Variants in PHLPP2 observed in about 807,000 individuals in gnomAD.
PHLPP2 encodes the protein PH domain and leucine rich repeat protein phosphatase 2, also known as PH domain leucine-rich repeat-containing protein phosphatase 2.
A neutral mutation model predicts 124.9 loss-of-function variants in PHLPP2; 66 were observed. That is an observed-to-expected ratio of 0.53 (90% CI 0.43 to 0.65). PHLPP2 has a LOEUF of 0.65. Among genes scored for constraint, PHLPP2 ranks in the 30% least tolerant of loss-of-function variants. The pLI, the probability that PHLPP2 is intolerant of heterozygous loss-of-function variation, is 0.00. For missense variants in PHLPP2, 1,685 were observed against 1,600.4 expected, an observed-to-expected ratio of 1.05 and a Z score of -0.90; for synonymous variants, 681 against 624.7, an observed-to-expected ratio of 1.09 and a Z score of -1.34.
intron 10 of PHLPP2, among the ~76,000 whole-genome samples, chr16:71,671,977 G>C (rs193045674): frequency 2.0e-5 from 3 of 152,042 alleles, no homozygotes; most frequent in African/African-American, 7.2e-5. Flanking sequence ...CTGACAAAAC[G>C]GGAATCAGTG....
intron 2 of PHLPP2, among the ~76,000 whole-genome samples, chr16:71,712,513 TTAAA>T (rs1485272023): frequency 2.0e-5 from 3 of 152,208 alleles, no homozygotes; most frequent in African/African-American, 7.2e-5. Context: ...CACCATATAC[TTAAA>T]TAAGTTAATC....
chr16:71,679,471 A>T lies in PHLPP2; in HGVS notation c.955T>A (p.Cys319Ser). The T allele has an allele frequency of 3.7e-6, 6 of 1,613,628 alleles. No homozygotes were observed. The highest frequency in any genetic ancestry group is 1.1e-5 in the South Asian group (1 of 91,066). Reference sequence around the variant, plus strand: ...AGCTCAGTCAGGGTAGAGATCTCGCATAACAATATAGGAAACAACCCAAGT... The same window carrying T: ...AGCTCAGTCAGGGTAGAGATCTCGCTTAACAATATAGGAAACAACCCAAGT... ...NKLGLFPILL[C>S]EISTLTELNL... Residue 319 changes from cysteine to serine, a missense_variant, in exon 7 of 19, where the codon TGC (cysteine) becomes AGC (serine). By Grantham distance (112) the Cys-to-Ser change is moderately radical. Transcript: ENST00000568954.
rs2044732631 is a variant in PHLPP2, at chr16:71,655,294, T to C, written c.2531A>G (p.Gln844Arg). The change falls in exon 17 of 19, where the codon CAG (glutamine) becomes CGG (arginine). Residue 844 changes from glutamine (Q) to arginine (R), a missense_variant. Coordinates refer to ENST00000568954, the MANE Select transcript of PHLPP2 (RefSeq NM_015020.3). Reference sequence around the variant, plus strand: ...GAAAACTGTGTCATTAGTTGACTGCTGTACCTCTTCTAAAAGCACATCTGC... The same window carrying C: ...GAAAACTGTGTCATTAGTTGACTGCCGTACCTCTTCTAAAAGCACATCTGC... ...TMADVLLEEV[Q>R]QSTNDTVFMA... 1 of 1,614,074 alleles carries C rather than the reference T, an allele frequency of 6.2e-7. No individual in the cohort carries two copies. Among genetic ancestry groups the C allele is most frequent in the Non-Finnish European group, 8.5e-7 (1 of 1,179,886 alleles).
chr16:71,688,254 T>C (rs557024808), intron 4 of PHLPP2, among the ~76,000 whole-genome samples: 3 of 152,258 alleles, frequency 2.0e-5, no homozygotes, highest in Non-Finnish European at 4.4e-5. Context: ...CTAGAAGATT[T>C]AGTTTTTGAT....
intron 15 of PHLPP2, among the ~76,000 whole-genome samples, chr16:71,657,434 G>A (rs150483648): frequency 0.013 from 1,989 of 148,310 alleles, 63 homozygotes; most frequent in East Asian, 0.12. Context: ...TCGCTGTGTC[G>A]CCCAGGCTGG....
In PHLPP2 at chr16:71,649,582, C is replaced by CCA. The variant is rs1567610506; in HGVS notation, c.3278_3279dup (p.Gly1094TrpfsTer67). The CCA allele has an allele frequency of 6.2e-7, 1 of 1,613,842 alleles. No homozygotes were observed. Among genetic ancestry groups the CCA allele is most frequent in the East Asian group, 2.2e-5 (1 of 44,872 alleles). The stretch of plus-strand genomic sequence containing the variant: ...TTATGCTCATCAGAAGCAGTGGACC[C>CCA]CACTTCACTGCTCACCTCTGAGGTG... On this transcript the variant is annotated frameshift_variant, in exon 19 of 19. Coordinates refer to ENST00000568954, the MANE Select transcript of PHLPP2 (RefSeq NM_015020.3). LOFTEE classifies it high-confidence loss of function.
intron 4 of PHLPP2, among the ~76,000 whole-genome samples, chr16:71,688,608 GTT>G (rs371183298): frequency 1.6e-5 from 2 of 125,692 alleles, no homozygotes; most frequent in Admixed American, 8.8e-5. Context: ...TTCTCTGTGG[GTT>G]TTTTTTTTTT....
chr16:71,689,641 G>A (rs568745211), intron 4 of PHLPP2, among the ~76,000 whole-genome samples: 9 of 151,398 alleles, frequency 5.9e-5, no homozygotes, highest in South Asian at 4.2e-4. Flanking sequence ...CAAGTGATCC[G>A]CCCACCTAGG....
chr16:71,677,388 C>G (rs187937047), intron 8 of PHLPP2: 157 of 150,586 alleles, frequency 1.0e-3, no homozygotes, highest in African/African-American at 3.6e-3. Context: ...GTTGCTATGC[C>G]TGCTCTATCT....
At position 71,690,500 on chromosome 16, in the gene PHLPP2, T is replaced by A. The variant is rs1158049429; in HGVS notation, c.609+19A>T. On this transcript the variant is annotated intron_variant, in intron 4 of 18. Coordinates refer to ENST00000568954, the MANE Select transcript of PHLPP2 (RefSeq NM_015020.3). ...TTAAGATGATCAAATGAAAAATAAT[T>A]CATCTTTGTGAGTCTTACCTTTCCA... The A allele has an allele frequency of 6.6e-7, 1 of 1,505,122 alleles. No individual in the cohort carries two copies. The highest frequency in any genetic ancestry group is 1.2e-5 in the South Asian group (1 of 84,484). The allele number at this position is 1,505,122 out of a possible 1,614,324, so 93.2% of individuals were successfully genotyped here.
intron 12 of PHLPP2, 55 bp from the exon 13 acceptor site, chr16:71,664,154 A>G: frequency 8.3e-7 from 1 of 1,201,832 alleles, no homozygotes; most frequent in Non-Finnish European, 1.2e-6. Context: ...CTGCCTTCCT[A>G]TATAGAAACC....
chr16:71,696,904 T>C (rs2045176965), intron 3 of PHLPP2, among the ~76,000 whole-genome samples: 1 of 152,122 alleles, frequency 6.6e-6, no homozygotes, highest in South Asian at 2.1e-4. Flanking sequence ...CCACGCACAG[T>C]GGCTCACACC....
chr16:71,681,442 T>G lies in PHLPP2; in HGVS notation c.890+309A>C, dbSNP rs144399776. On this transcript the variant is annotated intron_variant, in intron 6 of 18. Transcript: ENST00000568954. ...CTTTAAGTTACTGAAATTTTATACT[T>G]CTAATTCAAAAATTTCCCGTATACT... 3.0e-3 allele frequency among the ~76,000 whole-genome samples: 460 copies of G among 152,316 alleles called. 1 individual carries two copies. Among genetic ancestry groups the G allele is most frequent in the South Asian group, 0.013 (62 of 4,824 alleles).
At chr16:71,660,276 T>C (rs775495167) in intron 13 of PHLPP2, among the ~76,000 whole-genome samples, 36 of 144,082 alleles carry the variant, frequency 2.5e-4, no homozygotes, top group Middle Eastern at 3.6e-3. Flanking sequence ...TTTCAGAGGC[T>C]AAGGCAGGTC....
In PHLPP2 at chr16:71,667,327, C is replaced by A; in HGVS notation, c.1635G>T (p.Leu545=). ...TCAGTTTTCTAAGACTCAAGCTACT[C>A]AGAATTCTAAGGGGGGAGCATACAA... The part of the protein sequence containing the change: ...NLLTEVPVRI[L]SSLSLRKLML... Residue 545 remains leucine (L), a synonymous_variant, in exon 12 of 19, where the codon CTG becomes CTT. Coordinates refer to ENST00000568954, the MANE Select transcript of PHLPP2 (RefSeq NM_015020.3). 6.2e-7 allele frequency: 1 copy of A among 1,611,922 alleles called. No homozygotes were observed. Among genetic ancestry groups the A allele is most frequent in the Non-Finnish European group, 8.5e-7 (1 of 1,178,728 alleles).
intron 1 of PHLPP2, 37 bp from the exon 2 acceptor site, chr16:71,714,838 A>T: frequency 6.3e-7 from 1 of 1,582,674 alleles, no homozygotes; most frequent in South Asian, 1.2e-5. Context: ...GTTAGCTAGA[A>T]CATCTGACTG....
chr16:71,678,500 C>A (rs746064259), intron 8 of PHLPP2: 11 of 395,060 alleles, frequency 2.8e-5, no homozygotes, highest in Non-Finnish European at 5.0e-5. Context: ...ATTAGCCAGG[C>A]CTCGTGGTGC....
At chr16:71,653,097 T>TTA in intron 17 of PHLPP2, 76 bp from the exon 18 acceptor site, 3 of 650,446 alleles carry the variant, frequency 4.6e-6, no homozygotes, top group Non-Finnish European at 7.2e-6. Flanking sequence ...CGTACATCCC[T>TTA]TCTTTTTTTT....
At chr16:71,669,180 A>G (rs1490433203) in intron 11 of PHLPP2, 95 bp downstream of exon 11, 1 of 769,164 alleles carries the variant, frequency 1.3e-6, no homozygotes, top group East Asian at 2.5e-5. Flanking sequence ...AACACACTGA[A>G]CAAATAAAAG....
Sources: gnomAD v4.1 joint callset for allele counts (sites outside exome capture counted in the v4.1 genomes callset) on GRCh38, gnomAD v4.1.1 for gene constraint, MANE v1.5 for transcripts, NCBI Gene and HGNC (gene_info 2026-07-23, HGNC 2026-07-21) for gene names.